LRRIQ1: variants seen among roughly 807,000 people sequenced by gnomAD.
LRRIQ1 encodes leucine rich repeats and IQ motif containing 1.
Under a neutral mutation model 211.9 loss-of-function variants are expected in LRRIQ1, and 210 were observed. The ratio of observed to expected loss-of-function variants is 0.99; its 90% CI spans 0.89 to 1.11. LRRIQ1 has a LOEUF of 1.11. Among genes scored for constraint, LRRIQ1 ranks in the 50% most tolerant of loss-of-function variants. The probability of loss-of-function intolerance (pLI) is 0.00; values close to 1 mark genes in which losing one functional copy is unlikely to be tolerated. For synonymous variants in LRRIQ1, 699 were observed against 650.1 expected, an observed-to-expected ratio of 1.08 and a Z score of -1.14; for missense variants, 2,136 against 1,939.5, an observed-to-expected ratio of 1.10 and a Z score of -1.90.
chr12:85,238,163 A>G (rs932332592), intron 26 of LRRIQ1, among the ~76,000 whole-genome samples: 1 of 152,042 alleles, frequency 6.6e-6, no homozygotes, highest in Non-Finnish European at 1.5e-5. Context: ...TAAATTAGAC[A>G]TTGGGAAGAA....
intron 26 of LRRIQ1, among the ~76,000 whole-genome samples, chr12:85,237,952 T>C (rs1243857883): frequency 2.0e-5 from 3 of 152,154 alleles, no homozygotes; most frequent in Middle Eastern, 3.4e-3. Context: ...AAATCATCAC[T>C]AGAACCAAAT....
intron 1 of LRRIQ1, among the ~76,000 whole-genome samples, chr12:85,252,556 T>G (rs1283233667): frequency 6.6e-6 from 1 of 151,882 alleles, no homozygotes; most frequent in Non-Finnish European, 1.5e-5. Flanking sequence ...GCCATCTTCT[T>G]TAAGAGAAAT....
intron 10 of LRRIQ1, among the ~76,000 whole-genome samples, chr12:85,070,918 T>C (rs1009108135): frequency 6.6e-6 from 1 of 152,008 alleles, no homozygotes; most frequent in African/African-American, 2.4e-5. Context: ...TTTTTTGTCC[T>C]TGCACTATCC....
intron 1 of LRRIQ1, among the ~76,000 whole-genome samples, chr12:85,250,879 TTA>T (rs1350299878): frequency 1.3e-5 from 1 of 77,200 alleles, no homozygotes; most frequent in Non-Finnish European, 2.5e-5. Context: ...ATATATTATA[TTA>T]TATATAATAT....
rs191691636 is a variant in LRRIQ1 at position 85,192,858 on chromosome 12, T to C, written c.4822+32144T>C. 2.1e-3 allele frequency among the ~76,000 whole-genome samples: 211 copies of C among 101,782 alleles called. 2 individuals are homozygous for C. The highest frequency in any genetic ancestry group is 7.8e-3 in the African/African-American group (188 of 24,032). 66.8% of individuals were successfully genotyped at this position (101,782 alleles called of 152,430 possible). ...TACTATAATTATATATAAATATATATAGTTATATATTATAATTATACATAA... is the reference window on the plus strand; with the variant it reads ...TACTATAATTATATATAAATATATACAGTTATATATTATAATTATACATAA... On this transcript the variant is annotated intron_variant, in intron 24 of 26. Coordinates refer to ENST00000393217, the MANE Select transcript of LRRIQ1 (RefSeq NM_001079910.2).
chr12:85,163,563 T>A (rs182456700), intron 24 of LRRIQ1, among the ~76,000 whole-genome samples: 2 of 152,144 alleles, frequency 1.3e-5, no homozygotes, highest in East Asian at 3.9e-4. Context: ...TAAAAAAAAA[T>A]TACTTTCTAT....
At chr12:85,196,678 G>T (rs1254191939) in intron 24 of LRRIQ1, among the ~76,000 whole-genome samples, 1 of 152,052 alleles carries the variant, frequency 6.6e-6, no homozygotes, top group South Asian at 2.1e-4. Context: ...AAATCAATTC[G>T]AGATGGATTA....
At chr12:85,267,020 T>C (rs1896433981), downstream of LRRIQ1, among the ~76,000 whole-genome samples, 1 of 152,148 alleles carries the variant, frequency 6.6e-6, no homozygotes, top group Admixed American at 6.6e-5. Flanking sequence ...TTCAAGTTCA[T>C]AATTTCCTTG....
chr12:85,131,721 A>G (rs1888777677), intron 18 of LRRIQ1, among the ~76,000 whole-genome samples: 1 of 152,106 alleles, frequency 6.6e-6, no homozygotes, highest in Admixed American at 6.5e-5. Context: ...AGGAGCAAGT[A>G]TATAGTATGC....
intron 13 of LRRIQ1, among the ~76,000 whole-genome samples, chr12:85,100,849 C>G (rs1886296347): frequency 6.6e-6 from 1 of 151,688 alleles, no homozygotes; most frequent in Admixed American, 6.6e-5. Flanking sequence ...GAATATTTCA[C>G]AAGTTTATTT....
At chr12:85,148,861 A>G (rs557635391) in intron 19 of LRRIQ1, among the ~76,000 whole-genome samples, 2 of 152,160 alleles carry the variant, frequency 1.3e-5, no homozygotes, top group South Asian at 4.1e-4. Flanking sequence ...GTGAGATAGT[A>G]TCTCATTGTG....
At chr12:85,093,866 A>G (rs1047211114) in intron 11 of LRRIQ1, among the ~76,000 whole-genome samples, 2 of 152,154 alleles carry the variant, frequency 1.3e-5, no homozygotes, top group African/African-American at 4.8e-5. Flanking sequence ...ATCATTGCCT[A>G]TCTCAGCTTT....
chr12:85,198,115 A>G (rs1244598951), intron 24 of LRRIQ1, among the ~76,000 whole-genome samples: 1 of 119,678 alleles, frequency 8.4e-6, no homozygotes, highest in Non-Finnish European at 1.6e-5. Context: ...ATTTATATAT[A>G]ATATATAATA....
intron 8 of LRRIQ1, among the ~76,000 whole-genome samples, chr12:85,061,905 T>G (rs1475638859): frequency 6.6e-6 from 1 of 151,806 alleles, no homozygotes; most frequent in East Asian, 1.9e-4. Context: ...ACTAGAAGTC[T>G]TATTTATCTG....
At chr12:85,234,316 A>G (rs1353684931) in intron 26 of LRRIQ1, among the ~76,000 whole-genome samples, 1 of 152,184 alleles carries the variant, frequency 6.6e-6, no homozygotes, top group Non-Finnish European at 1.5e-5. Context: ...TACTGATCAT[A>G]ATAGGTTTAT....
intron 26 of LRRIQ1, among the ~76,000 whole-genome samples, chr12:85,234,587 G>A (rs926637284): frequency 3.0e-4 from 45 of 152,060 alleles, no homozygotes; most frequent in South Asian, 1.5e-3. Context: ...TAGGTATCTA[G>A]AAGAGTATTG....
In LRRIQ1 at chr12:85,056,045, G is replaced by A. The variant is rs1440436570; in HGVS notation, c.1252G>A (p.Asp418Asn). The A allele has an allele frequency of 6.2e-7, 1 of 1,601,358 alleles. No individual in the cohort carries two copies. Among genetic ancestry groups the A allele is most frequent in the Admixed American group, 1.7e-5 (1 of 57,250 alleles). ...TTTAAGTCTTGAAGATATTTCAAATGATAAGGGTGATATAGCCAAAAATCT... is the reference window on the plus strand; with the variant it reads ...TTTAAGTCTTGAAGATATTTCAAATAATAAGGGTGATATAGCCAAAAATCT... ...KHLSLEDISN[D>N]KGDIAKNLVD... Residue 418 changes from aspartate to asparagine, a missense_variant, in exon 8 of 27, where the codon GAT becomes AAT. Coordinates refer to ENST00000393217, the MANE Select transcript of LRRIQ1 (RefSeq NM_001079910.2).
chr12:85,091,676 A>G (rs564805913), intron 11 of LRRIQ1, among the ~76,000 whole-genome samples: 4 of 152,200 alleles, frequency 2.6e-5, no homozygotes, highest in Non-Finnish European at 5.9e-5. Context: ...TAGTTTTTGT[A>G]TATGGTGAAA....
intron 24 of LRRIQ1, among the ~76,000 whole-genome samples, chr12:85,217,234 G>A (rs866442714): frequency 2.3e-4 from 35 of 150,922 alleles, no homozygotes; most frequent in African/African-American, 7.0e-4. Flanking sequence ...TGTGCTATAA[G>A]CATTTCTGTT....
Sources: allele counts gnomAD v4.1 joint callset (sites outside exome capture counted in the v4.1 genomes callset), GRCh38; gene constraint gnomAD v4.1.1; transcripts MANE v1.5; gene names NCBI Gene and HGNC (gene_info 2026-07-23, HGNC 2026-07-21).